Variants in PTPRT observed in about 807,000 individuals in gnomAD.
PTPRT encodes protein tyrosine phosphatase receptor type T.
PTPRT carries 56 observed loss-of-function variants against 176.8 expected under a neutral mutation model. The observed-to-expected ratio is 0.32, with a 90% CI of 0.26 to 0.40. PTPRT has a LOEUF of 0.40. Among genes scored for constraint, PTPRT ranks in the 10% least tolerant of loss-of-function variants. The pLI, the probability that PTPRT is intolerant of heterozygous loss-of-function variation, is 1.00. For synonymous variants in PTPRT, 783 were observed against 739.0 expected (o/e 1.06, Z -0.96); for missense variants, 1,540 against 1,908.2 (o/e 0.81, Z 3.60).
rs996612943 is a variant in PTPRT, at chr20:43,189,537, C to T, written c.88+109G>A. 4.5e-6 allele frequency: 3 copies of T among 660,582 alleles called. No individual in the cohort carries two copies. Among genetic ancestry groups the T allele is most frequent in the Non-Finnish European group, 6.2e-6 (3 of 487,784 alleles). 40.9% of individuals were successfully genotyped at this position (660,582 alleles called of 1,614,324 possible). On this transcript the variant is annotated intron_variant, in intron 1 of 30. Transcript: ENST00000373187. The surrounding 1 kb of genome is among the most constrained non-coding windows in gnomAD (Gnocchi z 5.0). ...CCCGGGTTCCGGCCATGGGGACCCG[C>T]GCCCCCGCGAGCCCACACAACTTTC...
intron 1 of PTPRT, among the ~76,000 whole-genome samples, chr20:43,046,613 C>T (rs183052129): frequency 6.4e-4 from 97 of 152,010 alleles, no homozygotes; most frequent in African/African-American, 2.2e-3. Context: ...GGACTGAGGT[C>T]GGGCTGTGGT....
rs57532016 is a variant in PTPRT at position 42,834,762 on chromosome 20, G to C, written c.215-43296C>G. Among the ~76,000 whole-genome samples, 179 of 152,016 alleles carry C rather than the reference G, an allele frequency of 1.2e-3. 4 individuals are homozygous for C. In the East Asian group the frequency reaches 0.024, roughly 20 times the overall value. On this transcript the variant is annotated intron_variant, in intron 2 of 30. Transcript: ENST00000373187. The stretch of plus-strand genomic sequence containing the variant: ...CTGAATCTCTTCTGTATGTACTAGA[G>C]TAATGGATATATGATTCTACACATT...
intron 1 of PTPRT, among the ~76,000 whole-genome samples, chr20:43,010,253 A>C (rs1985049808): frequency 6.6e-6 from 1 of 152,036 alleles, no homozygotes; most frequent in African/African-American, 2.4e-5. Flanking sequence ...TCCTGCCAAA[A>C]CTGGTAGACT....
intron 7 of PTPRT, among the ~76,000 whole-genome samples, chr20:42,578,006 G>A (rs1039703638): frequency 3.3e-5 from 5 of 151,164 alleles, no homozygotes; most frequent in African/African-American, 9.8e-5. Flanking sequence ...CCCATTAGGA[G>A]GTGGGACGCT....
chr20:42,958,420 G>A (rs1167903421), intron 1 of PTPRT, among the ~76,000 whole-genome samples: 2 of 135,474 alleles, frequency 1.5e-5, no homozygotes, highest in African/African-American at 5.7e-5. Flanking sequence ...GAAGAAGGGA[G>A]GAAAGGAGGA....
intron 1 of PTPRT, among the ~76,000 whole-genome samples, chr20:43,133,086 G>A (rs188768287): frequency 3.9e-5 from 6 of 152,190 alleles, no homozygotes; most frequent in East Asian, 1.9e-4. Context: ...GAAGAGGGGC[G>A]GACATCAACT....
chr20:42,992,728 T>C (rs1983989452), intron 1 of PTPRT, among the ~76,000 whole-genome samples: 1 of 152,202 alleles, frequency 6.6e-6, no homozygotes, highest in African/African-American at 2.4e-5. Flanking sequence ...ATGGTCTCCA[T>C]GGATCAGGAA....
intron 9 of PTPRT, among the ~76,000 whole-genome samples, chr20:42,387,181 G>A (rs984363962): frequency 5.9e-5 from 9 of 152,166 alleles, no homozygotes; most frequent in East Asian, 5.8e-4. Context: ...GAGGATAAGC[G>A]GTACCTATAA....
At chr20:42,412,696 C>G (rs193010632) in intron 9 of PTPRT, among the ~76,000 whole-genome samples, 320 of 152,296 alleles carry the variant, frequency 2.1e-3, no homozygotes, top group African/African-American at 7.3e-3. Flanking sequence ...TTCATACAAT[C>G]AAATACTACT....
intron 1 of PTPRT, among the ~76,000 whole-genome samples, chr20:43,005,876 T>TAA (rs1984830642): frequency 6.6e-6 from 1 of 152,190 alleles, no homozygotes; most frequent in African/African-American, 2.4e-5. Flanking sequence ...CCAAAGATGC[T>TAA]CGTTACAACA....
chr20:42,330,334 G>A lies in PTPRT; in HGVS notation c.1866-14338C>T, dbSNP rs190041563. On this transcript the variant is annotated intron_variant, in intron 11 of 30. Coordinates refer to ENST00000373187, the MANE Select transcript of PTPRT (RefSeq NM_007050.6). ...AAAAATACAAAAAAATTAGCTGGGC[G>A]TGGTAGGGGCACATGTCTGCAGTCC... Among the ~76,000 whole-genome samples, 671 of 152,096 alleles carry A rather than the reference G, an allele frequency of 4.4e-3. 2 individuals are homozygous for A. Among genetic ancestry groups the A allele is most frequent in the Middle Eastern group, 0.014 (4 of 294 alleles).
intron 1 of PTPRT, among the ~76,000 whole-genome samples, chr20:43,132,013 C>T (rs191963364): frequency 3.4e-4 from 51 of 152,040 alleles, no homozygotes; most frequent in Admixed American, 2.8e-3. Flanking sequence ...AAAATTTACA[C>T]ACACACACAC....
intron 2 of PTPRT, among the ~76,000 whole-genome samples, chr20:42,849,589 G>A (rs1395311629): frequency 6.6e-6 from 1 of 152,152 alleles, no homozygotes; most frequent in Non-Finnish European, 1.5e-5. Flanking sequence ...ACAGTGGGCA[G>A]AGCATCAGCC....
chr20:42,541,611 GA>G (rs1415226944), intron 7 of PTPRT, among the ~76,000 whole-genome samples: 2 of 148,030 alleles, frequency 1.4e-5, no homozygotes, highest in Admixed American at 1.3e-4. Context: ...AGCCATATAG[GA>G]AAAAAAATGC....
At chr20:42,554,566 T>C (rs2072828144) in intron 7 of PTPRT, among the ~76,000 whole-genome samples, 1 of 152,116 alleles carries the variant, frequency 6.6e-6, no homozygotes, top group African/African-American at 2.4e-5. Flanking sequence ...GATGAATAAA[T>C]ATTTAAAATC....
intron 16 of PTPRT, among the ~76,000 whole-genome samples, chr20:42,190,424 C>G (rs1209811829): frequency 6.6e-6 from 1 of 152,164 alleles, no homozygotes; most frequent in East Asian, 1.9e-4. Context: ...AGGTCCAGTA[C>G]TCCTATGGCA....
At chr20:42,068,626 T>G (rs1600581720), downstream of PTPRT, among the ~76,000 whole-genome samples, 1 of 152,228 alleles carries the variant, frequency 6.6e-6, no homozygotes, top group Non-Finnish European at 1.5e-5. Flanking sequence ...TGAGCCACTT[T>G]ATCTTCTCTG....
chr20:42,916,566 T>C (rs1416845068), intron 1 of PTPRT, among the ~76,000 whole-genome samples: 1 of 152,206 alleles, frequency 6.6e-6, no homozygotes, highest in African/African-American at 2.4e-5. Flanking sequence ...GTTAAACTAG[T>C]TTACAGTCCC....
intron 7 of PTPRT, among the ~76,000 whole-genome samples, chr20:42,664,727 C>T (rs1263324624): frequency 6.6e-6 from 1 of 152,030 alleles, no homozygotes; most frequent in African/African-American, 2.4e-5. Context: ...CCCTGGCCTC[C>T]CAAAGTGTCA....
Sources: gnomAD v4.1 joint callset for allele counts (sites outside exome capture counted in the v4.1 genomes callset) on GRCh38, gnomAD v4.1.1 for gene constraint, Gnocchi (gnomAD v3.1) non-coding constraint, MANE v1.5 for transcripts, NCBI Gene and HGNC (gene_info 2026-07-23, HGNC 2026-07-21) for gene names.